Variants in COL4A2 observed in about 807,000 individuals in gnomAD.
COL4A2 encodes collagen type IV alpha 2 chain.
COL4A2 carries 99 observed loss-of-function variants against 200.2 expected under a neutral mutation model. That is an observed-to-expected ratio of 0.49 (90% CI 0.42 to 0.58). COL4A2 has a LOEUF of 0.58. Among genes scored for constraint, COL4A2 ranks in the 20% least tolerant of loss-of-function variants. The pLI is 0.00. For synonymous variants in COL4A2, 897 were observed against 900.6 expected, an observed-to-expected ratio of 1.00 and a Z score of 0.07; for missense variants, 1,950 against 2,314.1, an observed-to-expected ratio of 0.84 and a Z score of 3.23.
intron 40 of COL4A2, among the ~76,000 whole-genome samples, chr13:110,498,128 A>AT (rs1407479953): frequency 6.6e-6 from 1 of 152,158 alleles, no homozygotes; most frequent in Non-Finnish European, 1.5e-5. Context: ...CGTGCACCAT[A>AT]TTTTCACCAT....
chr13:110,501,745 C>T lies in COL4A2; in HGVS notation c.3838C>T (p.Pro1280Ser), dbSNP rs767722951. ...ACCCCCTTCCAACATCTCTGGGGCA[C>T]CTGGTGACAAAGGGGCGCCAGGGAT... is the stretch of plus-strand genomic sequence containing the variant. The part of the protein sequence containing the change: ...ITPPSNISGA[P>S]GDKGAPGIFG... Residue 1280 changes from proline to serine, a missense_variant, in exon 41 of 48, where the codon CCT becomes TCT. Pro to Ser is a moderately conservative substitution (Grantham distance 74, BLOSUM62 -1). Transcript: ENST00000360467. 9 of 1,613,580 alleles carry T rather than the reference C, an allele frequency of 5.6e-6. No individual in the cohort carries two copies. The highest frequency in any genetic ancestry group is 1.7e-5 in the Admixed American group (1 of 59,944).
chr13:110,458,425 G>C (rs575162319), intron 21 of COL4A2: 6 of 323,850 alleles, frequency 1.9e-5, no homozygotes, highest in African/African-American at 1.3e-4. Flanking sequence ...TGGCCCGCAG[G>C]CCCAGTGGTG....
rs369852152 is a variant in COL4A2, at chr13:110,500,387, C to T, written c.3761-1281C>T. Among the ~76,000 whole-genome samples, 71 of 152,300 alleles carry T rather than the reference C, an allele frequency of 4.7e-4. 1 individual carries two copies. In the South Asian group the frequency reaches 0.013, roughly 28 times the overall value. ...GAGGTAAAACAAAAGGCTGAAGGTG[C>T]TTAGGAGAGAAAGTAGACTTAATCC... On this transcript the variant is annotated intron_variant, in intron 40 of 47. Transcript: ENST00000360467.
intron 4 of COL4A2, among the ~76,000 whole-genome samples, chr13:110,394,697 G>A (rs1879124953): frequency 3.9e-5 from 6 of 152,188 alleles, no homozygotes; most frequent in African/African-American, 1.4e-4. Flanking sequence ...CCACACTGCT[G>A]CTGGAGAGGT....
chr13:110,498,032 T>TA (rs1177181973), intron 40 of COL4A2, among the ~76,000 whole-genome samples: 1 of 152,150 alleles, frequency 6.6e-6, no homozygotes, highest in African/African-American at 2.4e-5. Context: ...TCCACCAGCA[T>TA]AATCCTCCCA....
intron 4 of COL4A2, among the ~76,000 whole-genome samples, chr13:110,404,482 G>A (rs2139433475): frequency 6.6e-6 from 1 of 152,306 alleles, no homozygotes; most frequent in African/African-American, 2.4e-5. Flanking sequence ...GAGGCCAGGA[G>A]GCTGTCCCCA....
At chr13:110,490,207 T>C (rs1290694838) in intron 36 of COL4A2, among the ~76,000 whole-genome samples, 2 of 152,162 alleles carry the variant, frequency 1.3e-5, no homozygotes, top group East Asian at 1.9e-4. Flanking sequence ...TTGAGAGAGA[T>C]ATGGAGGCAG....
intron 3 of COL4A2, among the ~76,000 whole-genome samples, chr13:110,311,846 G>A (rs943395772): frequency 2.6e-5 from 4 of 152,230 alleles, no homozygotes; most frequent in East Asian, 3.9e-4. Flanking sequence ...GCATCAGTGC[G>A]GGGCCCCTGC....
At chr13:110,422,623 A>G (rs1297442171) in intron 4 of COL4A2, among the ~76,000 whole-genome samples, 1 of 152,228 alleles carries the variant, frequency 6.6e-6, no homozygotes, top group African/African-American at 2.4e-5. Context: ...GGTCCAGACC[A>G]GGTTACCCTG....
intron 4 of COL4A2, among the ~76,000 whole-genome samples, chr13:110,423,049 A>C (rs1880315697): frequency 6.6e-6 from 1 of 152,174 alleles, no homozygotes. Context: ...TTCCCCCCTC[A>C]ATCTCAGGGC....
chr13:110,428,615 G>A (rs1880560013), intron 7 of COL4A2, 32 bp downstream of exon 7: 3 of 1,278,802 alleles, frequency 2.3e-6, no homozygotes, highest in South Asian at 1.5e-5. Flanking sequence ...GTGCTCCAGG[G>A]ACGGGCAGAC....
intron 4 of COL4A2, among the ~76,000 whole-genome samples, chr13:110,419,227 A>G (rs994064915): frequency 6.6e-6 from 1 of 152,194 alleles, no homozygotes; most frequent in Non-Finnish European, 1.5e-5. Context: ...CTTAGGAAGG[A>G]GAAGGGATTT....
At chr13:110,333,149 C>T (rs143010502) in intron 3 of COL4A2, among the ~76,000 whole-genome samples, 1 of 152,350 alleles carries the variant, frequency 6.6e-6, no homozygotes, top group African/African-American at 2.4e-5. Flanking sequence ...CTTATGACCC[C>T]TCCAGGGGTG....
At chr13:110,390,699 C>T (rs1878953938) in intron 4 of COL4A2, among the ~76,000 whole-genome samples, 2 of 152,196 alleles carry the variant, frequency 1.3e-5, no homozygotes, top group South Asian at 4.1e-4. Context: ...TTCTAAATGA[C>T]ACATTCTCAG....
At chr13:110,446,900 G>A (rs201423417) in intron 18 of COL4A2, 36 bp downstream of exon 18, 280 of 1,551,450 alleles carry the variant, frequency 1.8e-4, no homozygotes, top group Non-Finnish European at 2.1e-4. Flanking sequence ...GTTCAGCATC[G>A]CATACACATT....
chr13:110,410,736 C>A (rs1441047483), intron 4 of COL4A2, among the ~76,000 whole-genome samples: 1 of 152,114 alleles, frequency 6.6e-6, no homozygotes, highest in African/African-American at 2.4e-5. Flanking sequence ...GTGGAAAGAT[C>A]ATCAGAACCC....
intron 15 of COL4A2, 95 bp from the exon 16 acceptor site, chr13:110,439,694 T>G: frequency 1.3e-6 from 2 of 1,586,412 alleles, no homozygotes; most frequent in Non-Finnish European, 1.7e-6. Context: ...CCATCGGCAT[T>G]TTGCTGTGAT....
intron 3 of COL4A2, among the ~76,000 whole-genome samples, chr13:110,327,381 G>A (rs139329588): frequency 2.6e-5 from 4 of 152,204 alleles, no homozygotes; most frequent in East Asian, 1.9e-4. Context: ...ACTTCTCCTC[G>A]CGTCACAGAC....
chr13:110,478,439 A>G (rs1315468772), intron 30 of COL4A2, among the ~76,000 whole-genome samples: 1 of 152,274 alleles, frequency 6.6e-6, no homozygotes, highest in Non-Finnish European at 1.5e-5. Context: ...ACAAAAGTTC[A>G]GAATCACTGC....
Sources: gnomAD v4.1 joint callset for allele counts (sites outside exome capture counted in the v4.1 genomes callset) on GRCh38, gnomAD v4.1.1 for gene constraint, MANE v1.5 for transcripts, NCBI Gene and HGNC (gene_info 2026-07-23, HGNC 2026-07-21) for gene names.